The following MAGI2 variants were observed in gnomAD, a reference collection of about 807,000 sequenced individuals.
MAGI2 encodes the protein membrane associated guanylate kinase, WW and PDZ domain containing 2.
A neutral mutation model predicts 133.3 loss-of-function variants in MAGI2; 35 were observed. The observed-to-expected ratio is 0.26, with a 90% CI of 0.20 to 0.35. The LOEUF (loss-of-function observed/expected upper bound fraction) is 0.35, where lower values mean the gene tolerates loss of function less well. Ranked by LOEUF, MAGI2 falls within the 10% of genes least tolerant of loss-of-function variation. MAGI2 has a pLI of 1.00. For synonymous variants in MAGI2, 729 were observed against 710.6 expected (o/e 1.03, Z -0.41); for missense variants, 1,636 against 1,863.4 (o/e 0.88, Z 2.25).
intron 21 of MAGI2, among the ~76,000 whole-genome samples, chr7:78,056,393 C>T (rs766511339): frequency 2.0e-5 from 3 of 152,044 alleles, no homozygotes; most frequent in African/African-American, 4.8e-5. Flanking sequence ...GCACTATTTA[C>T]AATACTAAAG....
chr7:79,427,031 TA>T (rs1411629893), intron 1 of MAGI2, among the ~76,000 whole-genome samples: 3 of 152,194 alleles, frequency 2.0e-5, no homozygotes, highest in Non-Finnish European at 4.4e-5. Context: ...CACTAAACTA[TA>T]AAATATTGTT....
intron 16 of MAGI2, among the ~76,000 whole-genome samples, chr7:78,146,236 T>G (rs1823297533): frequency 6.6e-6 from 1 of 152,120 alleles, no homozygotes; most frequent in Non-Finnish European, 1.5e-5. Flanking sequence ...TGTTTTAGAT[T>G]TCTCTGCCCT....
chr7:78,536,748 T>C (rs1410421203), intron 3 of MAGI2, among the ~76,000 whole-genome samples: 2 of 128,156 alleles, frequency 1.6e-5, no homozygotes, highest in Non-Finnish European at 1.6e-5. Context: ...TTTTTTTTTG[T>C]TTTTGTTGTT....
intron 6 of MAGI2, among the ~76,000 whole-genome samples, chr7:78,403,502 T>C (rs1297011988): frequency 6.6e-6 from 1 of 152,024 alleles, no homozygotes; most frequent in Non-Finnish European, 1.5e-5. Context: ...TATAATCCTT[T>C]GGGTATATAC....
chr7:79,319,273 A>C (rs1026933159), intron 1 of MAGI2, among the ~76,000 whole-genome samples: 1 of 152,188 alleles, frequency 6.6e-6, no homozygotes, highest in African/African-American at 2.4e-5. Flanking sequence ...CAAATGCTTG[A>C]GTGAATATAG....
At chr7:78,741,561 T>C (rs1822437607) in intron 2 of MAGI2, among the ~76,000 whole-genome samples, 1 of 151,822 alleles carries the variant, frequency 6.6e-6, no homozygotes, top group Non-Finnish European at 1.5e-5. Context: ...AGTAGAAACT[T>C]AGAAAGGAAG....
At chr7:78,674,354 C>G (rs944262035) in intron 2 of MAGI2, among the ~76,000 whole-genome samples, 4 of 151,576 alleles carry the variant, frequency 2.6e-5, no homozygotes, top group Non-Finnish European at 5.9e-5. Context: ...GAAGGAATTT[C>G]AAATAATGAA....
intron 1 of MAGI2, among the ~76,000 whole-genome samples, chr7:79,314,565 G>A (rs904405960): frequency 6.6e-6 from 1 of 152,102 alleles, no homozygotes; most frequent in Non-Finnish European, 1.5e-5. Flanking sequence ...GATTTTCATT[G>A]TTTCATTTTT....
intron 21 of MAGI2, among the ~76,000 whole-genome samples, chr7:78,042,925 A>C (rs1811007457): frequency 6.6e-6 from 1 of 152,218 alleles, no homozygotes; most frequent in Admixed American, 6.5e-5. Flanking sequence ...CAATATATAC[A>C]ATATGCCGGG....
chr7:78,964,757 G>C (rs774208994), intron 2 of MAGI2, among the ~76,000 whole-genome samples: 107 of 152,104 alleles, frequency 7.0e-4, no homozygotes, highest in Non-Finnish European at 1.3e-3. Flanking sequence ...GTAGTTACCA[G>C]CTTAGGAACA....
intron 5 of MAGI2, among the ~76,000 whole-genome samples, chr7:78,495,881 G>GA (rs965760685): frequency 2.0e-5 from 3 of 151,740 alleles, no homozygotes; most frequent in Non-Finnish European, 4.4e-5. Flanking sequence ...GCAGGCACAA[G>GA]AAAAAAAATA....
chr7:79,199,640 C>T (rs1019563604), intron 1 of MAGI2, among the ~76,000 whole-genome samples: 8 of 151,902 alleles, frequency 5.3e-5, no homozygotes, highest in Admixed American at 2.6e-4. Flanking sequence ...TATTTTACAT[C>T]GAAATTTTAT....
At chr7:78,422,249 G>A (rs1028820392) in intron 6 of MAGI2, among the ~76,000 whole-genome samples, 1 of 152,084 alleles carries the variant, frequency 6.6e-6, no homozygotes, top group Admixed American at 6.6e-5. Context: ...TGCGGTACAT[G>A]CGTATTCTCA....
At chr7:78,088,164 C>T (rs576397941) in intron 20 of MAGI2, among the ~76,000 whole-genome samples, 3 of 152,210 alleles carry the variant, frequency 2.0e-5, no homozygotes, top group South Asian at 4.1e-4. Flanking sequence ...AGAGAAAATG[C>T]GGGATTATTA....
chr7:78,585,113 T>C (rs550828088), intron 3 of MAGI2, among the ~76,000 whole-genome samples: 1 of 152,226 alleles, frequency 6.6e-6, no homozygotes, highest in African/African-American at 2.4e-5. Context: ...TTACTTTGAG[T>C]TGGTAATAGT....
At chr7:79,076,484 G>C (rs1815474178) in intron 1 of MAGI2, among the ~76,000 whole-genome samples, 1 of 152,182 alleles carries the variant, frequency 6.6e-6, no homozygotes, top group Non-Finnish European at 1.5e-5. Context: ...AGCTTAGCAG[G>C]GTTCTTTTGA....
intron 1 of MAGI2, chr7:79,414,209 A>C (rs1846338172): frequency 6.6e-6 from 1 of 152,158 alleles, no homozygotes; most frequent in African/African-American, 2.4e-5. Flanking sequence ...ATAATGAATA[A>C]ATTGTAGGCA....
intron 2 of MAGI2, among the ~76,000 whole-genome samples, chr7:78,757,774 C>A (rs1412791760): frequency 6.6e-6 from 1 of 152,148 alleles, no homozygotes; most frequent in Admixed American, 6.5e-5. Flanking sequence ...ATTAAATACA[C>A]CCTGGAGTTT....
At chr7:78,566,218 A>G (rs761258951) in intron 3 of MAGI2, among the ~76,000 whole-genome samples, 54 of 152,294 alleles carry the variant, frequency 3.5e-4, no homozygotes, top group Middle Eastern at 3.4e-3. Context: ...GTGCTCAGGA[A>G]ATGGGAAGAG....
Sources: gnomAD v4.1 joint callset for allele counts (sites outside exome capture counted in the v4.1 genomes callset) on GRCh38, gnomAD v4.1.1 for gene constraint, MANE v1.5 for transcripts, NCBI Gene and HGNC (gene_info 2026-07-23, HGNC 2026-07-21) for gene names.